Variants in LINGO2 observed in about 807,000 individuals in gnomAD.
The protein encoded by LINGO2 is leucine rich repeat and Ig domain containing 2.
LINGO2 carries 14 observed loss-of-function variants against 30.6 expected under a neutral mutation model. That is an observed-to-expected ratio of 0.46 (90% CI 0.30 to 0.72). The LOEUF (loss-of-function observed/expected upper bound fraction) is 0.72, where lower values mean the gene tolerates loss of function less well. Ranked by LOEUF, LINGO2 falls within the 30% of genes least tolerant of loss-of-function variation. LINGO2 has a pLI of 0.07. For synonymous variants in LINGO2, 317 were observed against 288.5 expected, an observed-to-expected ratio of 1.10 and a Z score of -1.00; for missense variants, 729 against 751.7, an observed-to-expected ratio of 0.97 and a Z score of 0.35.
chr9:28,158,451 T>G (rs1305801384), intron 4 of LINGO2, among the ~76,000 whole-genome samples: 1 of 152,180 alleles, frequency 6.6e-6, no homozygotes, highest in African/African-American at 2.4e-5. Context: ...AGGTGGGCTC[T>G]TAAAGTTGGT....
the LINGO2 span, among the ~76,000 whole-genome samples, chr9:28,917,892 G>A: frequency 4.6e-5 from 7 of 151,994 alleles, no homozygotes; most frequent in East Asian, 2.0e-4. Context: ...TCATTAATAC[G>A]AAGTCCAGCA....
intron 1 of LINGO2, among the ~76,000 whole-genome samples, chr9:28,573,569 G>A (rs762443776): frequency 3.4e-4 from 52 of 152,120 alleles, no homozygotes; most frequent in African/African-American, 9.2e-4. Flanking sequence ...CTATTTTCCC[G>A]AACACTATAT....
the LINGO2 span, among the ~76,000 whole-genome samples, chr9:29,027,993 C>A: frequency 6.6e-6 from 1 of 152,116 alleles, no homozygotes; most frequent in East Asian, 1.9e-4. Context: ...GTAGGTGATA[C>A]CAAACTTTCC....
the LINGO2 span, among the ~76,000 whole-genome samples, chr9:28,814,423 G>A: frequency 3.3e-5 from 5 of 152,216 alleles, no homozygotes; most frequent in Middle Eastern, 3.4e-3. Context: ...GCGACAGAGC[G>A]AGACTCCATC....
the LINGO2 span, among the ~76,000 whole-genome samples, chr9:29,183,610 T>A: frequency 6.6e-6 from 1 of 152,206 alleles, no homozygotes; most frequent in Non-Finnish European, 1.5e-5. Flanking sequence ...TCCTCTATTC[T>A]GAGCACTTAG....
chr9:28,105,844 C>T (rs1826574164), intron 4 of LINGO2, among the ~76,000 whole-genome samples: 3 of 151,988 alleles, frequency 2.0e-5, no homozygotes, highest in South Asian at 4.2e-4. Context: ...ACCAAATTGA[C>T]CAGAAACTTG....
chr9:28,570,708 T>C (rs571340255), intron 1 of LINGO2, among the ~76,000 whole-genome samples: 8 of 151,888 alleles, frequency 5.3e-5, no homozygotes, highest in Non-Finnish European at 1.0e-4. Context: ...AAACTCTATC[T>C]ACTACCCATG....
chr9:28,215,946 G>C (rs1428652115), intron 4 of LINGO2, among the ~76,000 whole-genome samples: 2 of 151,818 alleles, frequency 1.3e-5, no homozygotes, highest in African/African-American at 2.4e-5. Context: ...GAGTCACTCA[G>C]AGAAATGTGC....
the LINGO2 span, among the ~76,000 whole-genome samples, chr9:29,056,845 GT>G: frequency 2.0e-5 from 3 of 152,052 alleles, no homozygotes; most frequent in Non-Finnish European, 4.4e-5. Context: ...TGAATAAGGT[GT>G]TTTTTCCTCA....
chr9:28,470,778 GA>G (rs1825488209), intron 2 of LINGO2, among the ~76,000 whole-genome samples: 2 of 151,312 alleles, frequency 1.3e-5, no homozygotes, highest in Non-Finnish European at 1.5e-5. Flanking sequence ...AGTCAAAGTT[GA>G]AAAAAATAGA....
the LINGO2 span, among the ~76,000 whole-genome samples, chr9:28,896,541 ACT>A: frequency 6.6e-6 from 1 of 152,080 alleles, no homozygotes; most frequent in Admixed American, 6.6e-5. Flanking sequence ...ATAAACCTAC[ACT>A]GTTATCTCTA....
chr9:29,105,685 C>A, the LINGO2 span, among the ~76,000 whole-genome samples: 1 of 152,206 alleles, frequency 6.6e-6, no homozygotes, highest in South Asian at 2.1e-4. Context: ...TAGGCCTGAC[C>A]TAACGAATTC....
the LINGO2 span, among the ~76,000 whole-genome samples, chr9:28,961,332 T>C: frequency 6.6e-6 from 1 of 152,136 alleles, no homozygotes; most frequent in Non-Finnish European, 1.5e-5. Context: ...GCCCCTAGCA[T>C]AGTCTGGCGA....
the LINGO2 span, among the ~76,000 whole-genome samples, chr9:28,900,266 C>A: frequency 6.6e-6 from 1 of 152,162 alleles, no homozygotes; most frequent in African/African-American, 2.4e-5. Flanking sequence ...CATGCCCCCA[C>A]CAGTAAATCC....
intron 2 of LINGO2, among the ~76,000 whole-genome samples, chr9:28,458,052 T>G (rs1351199959): frequency 6.6e-6 from 1 of 152,148 alleles, no homozygotes; most frequent in African/African-American, 2.4e-5. Flanking sequence ...TGCTTAATAG[T>G]ATGTAGAGAG....
At chr9:28,334,331 T>C (rs1440203128) in intron 3 of LINGO2, among the ~76,000 whole-genome samples, 1 of 152,178 alleles carries the variant, frequency 6.6e-6, no homozygotes, top group African/African-American at 2.4e-5. Flanking sequence ...AACTAAATAA[T>C]GGTACAATTA....
At chr9:28,331,063 ATTAT>A (rs1360745845) in intron 3 of LINGO2, among the ~76,000 whole-genome samples, 4 of 151,944 alleles carry the variant, frequency 2.6e-5, no homozygotes, top group African/African-American at 9.7e-5. Flanking sequence ...CAAAATATTT[ATTAT>A]TTATTAAGTA....
intron 1 of LINGO2, among the ~76,000 whole-genome samples, chr9:28,577,586 T>C (rs935717829): frequency 1.3e-5 from 2 of 152,192 alleles, no homozygotes; most frequent in African/African-American, 4.8e-5. Context: ...TCTATGTGTA[T>C]TGAATTCTTT....
At chr9:28,120,009 A>AT (rs1295472891) in intron 4 of LINGO2, among the ~76,000 whole-genome samples, 3 of 152,226 alleles carry the variant, frequency 2.0e-5, no homozygotes, top group Non-Finnish European at 4.4e-5. Context: ...AGAATAAAAA[A>AT]TGCACCTTTA....
Sources: gnomAD v4.1 joint callset for allele counts (sites outside exome capture counted in the v4.1 genomes callset) on GRCh38, gnomAD v4.1.1 for gene constraint, MANE v1.5 for transcripts, NCBI Gene and HGNC (gene_info 2026-07-23, HGNC 2026-07-21) for gene names.